MAN1A1: variants seen among roughly 807,000 people sequenced by gnomAD.
The protein encoded by MAN1A1 is mannosidase alpha class 1A member 1.
Under a neutral mutation model 70.8 loss-of-function variants are expected in MAN1A1, and 29 were observed. The ratio of observed to expected loss-of-function variants is 0.41; its 90% CI spans 0.31 to 0.56. MAN1A1 has a LOEUF of 0.56. MAN1A1 is among the 20% of genes least tolerant of loss of function. MAN1A1 has a pLI of 0.29. For synonymous variants in MAN1A1, 349 were observed against 330.1 expected (o/e 1.06, Z -0.62); for missense variants, 747 against 841.3 (o/e 0.89, Z 1.39).
intron 6 of MAN1A1, among the ~76,000 whole-genome samples, chr6:119,235,325 T>C (rs143536725): frequency 1.3e-5 from 2 of 152,268 alleles, no homozygotes; most frequent in East Asian, 3.9e-4. Context: ...AATTAAAAGC[T>C]CCAGCGAAAT....
At chr6:119,322,865 C>T (rs779470736) in intron 2 of MAN1A1, among the ~76,000 whole-genome samples, 3 of 152,150 alleles carry the variant, frequency 2.0e-5, no homozygotes, top group East Asian at 1.9e-4. Flanking sequence ...AGTTTTCAAC[C>T]GCTACGTAGC....
chr6:119,302,442 C>T (rs10872176), intron 3 of MAN1A1, among the ~76,000 whole-genome samples: 57,310 of 150,820 alleles, frequency 0.38, 11,330 homozygotes, highest in Non-Finnish European at 0.41. Flanking sequence ...AGTGCAGTGG[C>T]GCGATCTCAG....
At chr6:119,274,512 G>GT (rs1776002543) in intron 5 of MAN1A1, among the ~76,000 whole-genome samples, 1 of 152,034 alleles carries the variant, frequency 6.6e-6, no homozygotes, top group African/African-American at 2.4e-5. Flanking sequence ...AAATGACAAG[G>GT]TATTACCTTT....
chr6:119,261,268 T>A (rs1432262025), intron 5 of MAN1A1, among the ~76,000 whole-genome samples: 1 of 152,180 alleles, frequency 6.6e-6, no homozygotes, highest in Non-Finnish European at 1.5e-5. Flanking sequence ...CGTGAGCCAC[T>A]GCGCCCCGCC....
intron 2 of MAN1A1, among the ~76,000 whole-genome samples, chr6:119,333,628 C>T (rs1015549011): frequency 5.9e-5 from 9 of 152,204 alleles, no homozygotes; most frequent in African/African-American, 1.9e-4. Flanking sequence ...TTACCTGCAG[C>T]ATATCTGGCT....
intron 2 of MAN1A1, among the ~76,000 whole-genome samples, chr6:119,313,449 T>C (rs1348528472): frequency 6.6e-6 from 1 of 152,188 alleles, no homozygotes; most frequent in Non-Finnish European, 1.5e-5. Context: ...CTCATTCACA[T>C]GCTTTGCTCT....
At position 119,309,012 on chromosome 6, in the gene MAN1A1, T is replaced by C. The variant is rs10484999; in HGVS notation, c.604-2020A>G. ...GGAAAAGCTGACACTAATTGGTTAG[T>C]TTCCTACATTTCAAAAGTTGCTGAC... On this transcript the variant is annotated intron_variant, in intron 2 of 12. Transcript: ENST00000368468. Among the ~76,000 whole-genome samples the C allele has an allele frequency of 5.9e-3, 899 of 152,334 alleles. 31 individuals carry two copies. The East Asian group carries it at 0.09, about 15-fold the overall frequency.
intron 5 of MAN1A1, among the ~76,000 whole-genome samples, chr6:119,288,514 A>G (rs959074462): frequency 9.9e-5 from 15 of 151,900 alleles, no homozygotes; most frequent in Non-Finnish European, 1.6e-4. Context: ...GACCTGGGGT[A>G]AAAAATTTTC....
chr6:119,285,249 A>T (rs1776336255), intron 5 of MAN1A1, among the ~76,000 whole-genome samples: 1 of 150,980 alleles, frequency 6.6e-6, no homozygotes, highest in Non-Finnish European at 1.5e-5. Context: ...AAGTGTTGGG[A>T]TTACAGGCAT....
chr6:119,229,268 TAA>T (rs1774609178), intron 6 of MAN1A1, among the ~76,000 whole-genome samples: 1 of 151,152 alleles, frequency 6.6e-6, no homozygotes, highest in South Asian at 2.1e-4. Context: ...TTGTTTTGGA[TAA>T]AAGAGGTTCC....
chr6:119,302,998 C>T (rs1367344285), intron 3 of MAN1A1, among the ~76,000 whole-genome samples: 5 of 152,044 alleles, frequency 3.3e-5, no homozygotes, highest in African/African-American at 4.8e-5. Context: ...TAAAATTACA[C>T]GTGTGCATCT....
intron 5 of MAN1A1, among the ~76,000 whole-genome samples, chr6:119,278,396 T>A (rs1276842235): frequency 1.3e-5 from 2 of 152,212 alleles, no homozygotes; most frequent in African/African-American, 4.8e-5. Context: ...TGTTCAACAA[T>A]CACATATTTA....
chr6:119,277,687 G>A (rs866221023), intron 5 of MAN1A1, among the ~76,000 whole-genome samples: 9 of 151,666 alleles, frequency 5.9e-5, no homozygotes, highest in East Asian at 1.9e-4. Flanking sequence ...CTGTAATCCC[G>A]GCACTTTGGG....
Position 119,247,800 on chromosome 6 carries a change from C to T in MAN1A1, c.992+460G>A, listed in dbSNP as rs148456150. Among the ~76,000 whole-genome samples, 1,035 of 152,260 alleles carry T rather than the reference C, an allele frequency of 6.8e-3. 10 individuals are homozygous for T. The highest frequency in any genetic ancestry group is 9.9e-3 in the Non-Finnish European group (675 of 68,006). On this transcript the variant is annotated intron_variant, in intron 6 of 12. Coordinates refer to ENST00000368468, the MANE Select transcript of MAN1A1 (RefSeq NM_005907.4). ...CTGGGTAACCACAGGTGCTCCCAGT[C>T]TCCGTTATACCAGCTGCTTTTATGG...
At chr6:119,301,135 G>T (rs950383270) in intron 4 of MAN1A1, among the ~76,000 whole-genome samples, 1 of 152,158 alleles carries the variant, frequency 6.6e-6, no homozygotes, top group Non-Finnish European at 1.5e-5. Flanking sequence ...ATGCTTACCC[G>T]AAAGACAAGA....
intron 8 of MAN1A1, among the ~76,000 whole-genome samples, chr6:119,194,991 C>T (rs1053812681): frequency 5.9e-5 from 9 of 151,996 alleles, no homozygotes; most frequent in Non-Finnish European, 1.0e-4. Flanking sequence ...CACCACCACA[C>T]CTGGCTAATT....
intron 6 of MAN1A1, among the ~76,000 whole-genome samples, chr6:119,205,751 T>C (rs1773842232): frequency 6.6e-6 from 1 of 152,232 alleles, no homozygotes; most frequent in South Asian, 2.1e-4. Flanking sequence ...AGTTCGTTAT[T>C]CTCCTAATAA....
chr6:119,309,317 A>G (rs1223700066), intron 2 of MAN1A1, among the ~76,000 whole-genome samples: 3 of 152,208 alleles, frequency 2.0e-5, no homozygotes, highest in African/African-American at 7.2e-5. Flanking sequence ...TATAAAATCA[A>G]CTTGTTAACT....
chr6:119,190,977 G>A (rs1773425154), intron 9 of MAN1A1, among the ~76,000 whole-genome samples: 1 of 152,106 alleles, frequency 6.6e-6, no homozygotes, highest in Non-Finnish European at 1.5e-5. Context: ...TTGTTAGGAA[G>A]CACATTTGGG....
Sources: gnomAD v4.1 joint callset for allele counts (sites outside exome capture counted in the v4.1 genomes callset) on GRCh38, gnomAD v4.1.1 for gene constraint, MANE v1.5 for transcripts, NCBI Gene and HGNC (gene_info 2026-07-23, HGNC 2026-07-21) for gene names.